The following TCF7L2 variants were observed in gnomAD, a reference collection of about 807,000 sequenced individuals.
TCF7L2 encodes transcription factor 7-like 2.
TCF7L2 carries 23 observed loss-of-function variants against 77.9 expected under a neutral mutation model. The observed-to-expected ratio is 0.30, with a 90% CI of 0.21 to 0.42. The LOEUF (loss-of-function observed/expected upper bound fraction) is 0.42, where lower values mean the gene tolerates loss of function less well. Ranked by LOEUF, TCF7L2 falls within the 10% of genes least tolerant of loss-of-function variation. TCF7L2 has a pLI of 1.00. For synonymous variants in TCF7L2, 413 were observed against 340.2 expected (o/e 1.21, Z -2.36); for missense variants, 654 against 793.1 (o/e 0.82, Z 2.11).
chr10:112,996,667 C>T (rs894595932), intron 4 of TCF7L2, among the ~76,000 whole-genome samples: 1 of 152,156 alleles, frequency 6.6e-6, no homozygotes, highest in African/African-American at 2.4e-5. Flanking sequence ...GGCCAGTGAT[C>T]AGTGCTGGTG....
intron 4 of TCF7L2, among the ~76,000 whole-genome samples, chr10:112,968,701 C>G (rs190614356): frequency 6.6e-6 from 1 of 152,168 alleles, no homozygotes; most frequent in Admixed American, 6.5e-5. Flanking sequence ...ACCTCAGCCT[C>G]GCTAGTAGCT....
In TCF7L2 at chr10:112,961,847, C is replaced by T. The variant is rs567075929; in HGVS notation, c.382-2709C>T. ...CGTGGCTGGGGGGTGGGGTGGGGGG[C>T]ATTAGAAGGGAGTATGGGTGTCTGT... On this transcript the variant is annotated intron_variant, in intron 3 of 13. Transcript: ENST00000627217. 1.1e-4 allele frequency among the ~76,000 whole-genome samples: 16 copies of T among 142,374 alleles called. No individual in the cohort carries two copies. The South Asian group carries it at 3.5e-3, about 31-fold the overall frequency. 93.4% of individuals were successfully genotyped at this position (142,374 alleles called of 152,430 possible).
intron 4 of TCF7L2, among the ~76,000 whole-genome samples, chr10:113,006,209 G>GA (rs147195194): frequency 0.045 from 6,924 of 152,290 alleles, 223 homozygotes; most frequent in Middle Eastern, 0.071. Flanking sequence ...CGTCCCATAA[G>GA]AATTTCTCTA....
At chr10:113,149,588 T>C (rs1282357822) in intron 8 of TCF7L2, among the ~76,000 whole-genome samples, 2 of 152,250 alleles carry the variant, frequency 1.3e-5, no homozygotes, top group African/African-American at 2.4e-5. Flanking sequence ...TTTGGCTGAA[T>C]GGAAACTATC....
chr10:113,100,640 C>T (rs1444950050), intron 5 of TCF7L2, among the ~76,000 whole-genome samples: 2 of 152,302 alleles, frequency 1.3e-5, no homozygotes, highest in East Asian at 3.9e-4. Context: ...TGACTGTCTT[C>T]AGTTAAACTT....
chr10:113,138,432 C>T (rs1402724656), intron 5 of TCF7L2, among the ~76,000 whole-genome samples: 1 of 152,098 alleles, frequency 6.6e-6, no homozygotes, highest in Non-Finnish European at 1.5e-5. Context: ...TTTTAAATCT[C>T]ACACTCAGTT....
At chr10:113,102,004 T>G (rs1321830696) in intron 5 of TCF7L2, among the ~76,000 whole-genome samples, 3 of 145,418 alleles carry the variant, frequency 2.1e-5, no homozygotes, top group Non-Finnish European at 4.5e-5. Flanking sequence ...CCGGGCGTGG[T>G]GGTGTACGCC....
At chr10:113,011,875 T>C (rs2046514481) in intron 4 of TCF7L2, among the ~76,000 whole-genome samples, 1 of 151,878 alleles carries the variant, frequency 6.6e-6, no homozygotes, top group Admixed American at 6.6e-5. Flanking sequence ...ATTGCTACCT[T>C]GAGTATTGCT....
chr10:113,055,448 A>T (rs1006293471), intron 5 of TCF7L2, among the ~76,000 whole-genome samples: 1 of 152,180 alleles, frequency 6.6e-6, no homozygotes, highest in African/African-American at 2.4e-5. Flanking sequence ...AAAGAATCAG[A>T]TAGTTTTCTG....
At chr10:113,144,135 TG>T in intron 7 of TCF7L2, 110 bp downstream of exon 7, 2 of 878,798 alleles carry the variant, frequency 2.3e-6, no homozygotes, top group Non-Finnish European at 3.3e-6. Context: ...TGTGTGTGTG[TG>T]TATGTGTGTG....
chr10:113,136,291 T>C (rs942256118), intron 5 of TCF7L2, among the ~76,000 whole-genome samples: 1 of 152,128 alleles, frequency 6.6e-6, no homozygotes, highest in Non-Finnish European at 1.5e-5. Flanking sequence ...ATGGTAGTGC[T>C]TCAGGGGTAG....
intron 5 of TCF7L2, among the ~76,000 whole-genome samples, chr10:113,123,927 T>C (rs965471485): frequency 6.6e-6 from 1 of 152,210 alleles, no homozygotes; most frequent in Non-Finnish European, 1.5e-5. Flanking sequence ...CAAAAACTTG[T>C]TGGATATAAA....
At position 112,950,926 on chromosome 10, in the gene TCF7L2, A is replaced by C. The variant is rs2030756041; in HGVS notation, c.170A>C (p.Asn57Thr). Reference sequence around the variant, plus strand: ...GTCAATGAATCAGAAACGAATCAAAACAGCTCCTCCGATTCCGAGGTAGGA... The same window carrying C: ...GTCAATGAATCAGAAACGAATCAAACCAGCTCCTCCGATTCCGAGGTAGGA... Residue 57 changes from asparagine to threonine, a missense_variant, in exon 1 of 14, where the codon AAC becomes ACC. Asn to Thr is a moderately conservative substitution (Grantham distance 65). This residue lies in a region of TCF7L2 where 132 missense variants were observed against 123.7 expected (regional missense o/e 1.07). Coordinates refer to ENST00000627217, the MANE Select transcript of TCF7L2 (RefSeq NM_001146274.2). 1.9e-6 allele frequency: 3 copies of C among 1,610,844 alleles called. No individual in the cohort carries two copies. The African/African-American group carries it at 4.0e-5, about 22-fold the overall frequency.
At chr10:113,107,752 T>TAAAAAAAAAAAAAAA (rs398014821) in intron 5 of TCF7L2, among the ~76,000 whole-genome samples, 5 of 55,262 alleles carry the variant, frequency 9.0e-5, no homozygotes, top group Admixed American at 2.4e-4. Flanking sequence ...AGACTCCGTC[T>TAAAAAAAAAAAAAAA]AAAAAAAAAA....
chr10:112,962,499 G>A (rs1447016724), intron 3 of TCF7L2, among the ~76,000 whole-genome samples: 3 of 152,182 alleles, frequency 2.0e-5, no homozygotes, highest in African/African-American at 7.2e-5. Flanking sequence ...AGTAATTAGT[G>A]CAATCTCCGT....
intron 5 of TCF7L2, among the ~76,000 whole-genome samples, chr10:113,112,581 G>A (rs954896942): frequency 2.6e-5 from 4 of 152,210 alleles, no homozygotes; most frequent in Non-Finnish European, 4.4e-5. Flanking sequence ...GCAATTTCCC[G>A]TGCTTACTTA....
intron 4 of TCF7L2, among the ~76,000 whole-genome samples, chr10:113,039,173 G>GC (rs1433835326): frequency 1.3e-5 from 2 of 152,300 alleles, no homozygotes; most frequent in Non-Finnish European, 2.9e-5. Context: ...GACTGGGCAA[G>GC]CCACCTCACC....
intron 4 of TCF7L2, chr10:112,987,743 A>T (rs1323301358): frequency 2.6e-5 from 4 of 153,890 alleles, no homozygotes; most frequent in Non-Finnish European, 5.8e-5. Flanking sequence ...AAAAGATGGC[A>T]GAATCATCTG....
rs1010284210 is a variant in TCF7L2, at chr10:113,130,050, T to C, written c.553-11134T>C. 3.0e-5 allele frequency: 35 copies of C among 1,149,220 alleles called. No individual in the cohort carries two copies. The African/African-American group carries it at 4.7e-4, about 16-fold the overall frequency. The allele number at this position is 1,149,220 out of a possible 1,614,324, so 71.2% of individuals were successfully genotyped here. A position where few individuals can be genotyped will look rare whatever the true frequency, so the allele number is the denominator to read the frequency against. ...GTGTGTATGTTCGTGTCCATGCTTA[T>C]GGTATTGACCATTAAACCTATGCTT... On this transcript the variant is annotated intron_variant, in intron 5 of 13. Transcript: ENST00000627217.
Sources: allele counts gnomAD v4.1 joint callset (sites outside exome capture counted in the v4.1 genomes callset), GRCh38; gene constraint gnomAD v4.1.1; regional missense constraint gnomAD v4.1.1; transcripts MANE v1.5; gene names NCBI Gene and HGNC (gene_info 2026-07-23, HGNC 2026-07-21).